The following NKAIN2 variants were observed in gnomAD, a reference collection of about 807,000 sequenced individuals.
NKAIN2 encodes sodium/potassium transporting ATPase interacting 2, also known as sodium/potassium-transporting ATPase subunit beta-1-interacting protein 2.
NKAIN2 carries 14 observed loss-of-function variants against 32.6 expected under a neutral mutation model. The observed-to-expected ratio is 0.43, with a 90% CI of 0.28 to 0.67. NKAIN2 has a LOEUF of 0.67. Among genes scored for constraint, NKAIN2 ranks in the 30% least tolerant of loss-of-function variants. NKAIN2 has a pLI of 0.17. For synonymous variants in NKAIN2, 80 were observed against 87.2 expected (o/e 0.92, Z 0.46); for missense variants, 198 against 258.3 (o/e 0.77, Z 1.60).
At chr6:124,803,384 T>A (rs1276389280) in intron 5 of NKAIN2, among the ~76,000 whole-genome samples, 1 of 152,188 alleles carries the variant, frequency 6.6e-6, no homozygotes, top group Non-Finnish European at 1.5e-5. Context: ...GACACTGAGC[T>A]CTCACTGTCT....
intron 1 of NKAIN2, among the ~76,000 whole-genome samples, chr6:124,255,893 G>A (rs537356383): frequency 3.3e-5 from 5 of 152,258 alleles, no homozygotes; most frequent in East Asian, 3.9e-4. Context: ...ATTCTGTGGC[G>A]CTGGTGTCTT....
chr6:124,106,047 C>T (rs1446317285), intron 1 of NKAIN2, among the ~76,000 whole-genome samples: 1 of 151,964 alleles, frequency 6.6e-6, no homozygotes, highest in Non-Finnish European at 1.5e-5. Flanking sequence ...ACTCAAGTAG[C>T]ATGTGATTAC....
chr6:124,020,578 T>TTAAAG (rs1488053079), intron 1 of NKAIN2, among the ~76,000 whole-genome samples: 3 of 152,238 alleles, frequency 2.0e-5, no homozygotes, highest in African/African-American at 7.2e-5. Flanking sequence ...AAACAAAGAT[T>TTAAAG]TAAAGTAGAC....
intron 2 of NKAIN2, among the ~76,000 whole-genome samples, chr6:124,309,630 A>T (rs1796639276): frequency 6.6e-6 from 1 of 152,138 alleles, no homozygotes; most frequent in East Asian, 1.9e-4. Flanking sequence ...TTCAACCAAG[A>T]ACCTTACATT....
At chr6:123,831,812 C>A (rs1442579547) in intron 1 of NKAIN2, among the ~76,000 whole-genome samples, 1 of 151,998 alleles carries the variant, frequency 6.6e-6, no homozygotes, top group Non-Finnish European at 1.5e-5. Context: ...CCTGCTACCA[C>A]GTCCTGCTAA....
At chr6:123,954,825 T>C (rs1363858886) in intron 1 of NKAIN2, among the ~76,000 whole-genome samples, 1 of 152,116 alleles carries the variant, frequency 6.6e-6, no homozygotes, top group African/African-American at 2.4e-5. Context: ...GTTTTGAGTC[T>C]TTTGGTACCT....
At chr6:124,360,255 A>G (rs796621497) in intron 3 of NKAIN2, among the ~76,000 whole-genome samples, 135 of 152,256 alleles carry the variant, frequency 8.9e-4, no homozygotes, top group African/African-American at 3.2e-3. Context: ...TGTCTCTGCC[A>G]GGCTTTGGTA....
chr6:124,312,726 A>G (rs1381397787), intron 2 of NKAIN2, among the ~76,000 whole-genome samples: 1 of 152,162 alleles, frequency 6.6e-6, no homozygotes, highest in Non-Finnish European at 1.5e-5. Flanking sequence ...ACAATTATGC[A>G]TAAATGTGAT....
chr6:124,773,859 G>T (rs1778867811), intron 4 of NKAIN2, among the ~76,000 whole-genome samples: 1 of 152,140 alleles, frequency 6.6e-6, no homozygotes, highest in Non-Finnish European at 1.5e-5. Flanking sequence ...ATTTGAAAGA[G>T]ATACTGAGAA....
At position 124,647,496 on chromosome 6, in the gene NKAIN2, CAAA is replaced by C. The variant is rs1157607122; in HGVS notation, c.274-10668_274-10666del. On this transcript the variant is annotated intron_variant, in intron 3 of 6. Coordinates refer to ENST00000368417, the MANE Select transcript of NKAIN2 (RefSeq NM_001040214.3). Reference sequence around the variant, plus strand: ...CCTGGGCGACAGAGCGAGACTCTGTCAAAAAAAAAAAAAAAAAAAAAAAAGACT... The same window carrying C: ...CCTGGGCGACAGAGCGAGACTCTGTCAAAAAAAAAAAAAAAAAAAAAGACT... Among the ~76,000 whole-genome samples the C allele has an allele frequency of 1.5e-4, 9 of 58,942 alleles. No individual in the cohort carries two copies. In the South Asian group the frequency reaches 2.8e-3, roughly 19 times the overall value. The allele number at this position is 58,942 out of a possible 152,430, so 38.7% of individuals were successfully genotyped here. A position where few individuals can be genotyped will look rare whatever the true frequency, so the allele number is the denominator to read the frequency against.
At chr6:124,441,980 C>T (rs576881481) in intron 3 of NKAIN2, among the ~76,000 whole-genome samples, 4 of 152,146 alleles carry the variant, frequency 2.6e-5, no homozygotes, top group South Asian at 2.1e-4. Context: ...TTTACATACA[C>T]ATAAGACTAG....
intron 1 of NKAIN2, among the ~76,000 whole-genome samples, chr6:123,968,176 G>A (rs1310107713): frequency 6.6e-6 from 1 of 152,158 alleles, no homozygotes; most frequent in Admixed American, 6.5e-5. Context: ...TAATCACTGT[G>A]AGGCAGGGGG....
At chr6:124,250,657 C>A (rs1321520694) in intron 1 of NKAIN2, among the ~76,000 whole-genome samples, 1 of 151,862 alleles carries the variant, frequency 6.6e-6, no homozygotes. Context: ...AGAGAATTAT[C>A]AATAACATAT....
At chr6:124,227,401 A>G (rs1792177266) in intron 1 of NKAIN2, among the ~76,000 whole-genome samples, 1 of 152,192 alleles carries the variant, frequency 6.6e-6, no homozygotes, top group South Asian at 2.1e-4. Flanking sequence ...TGAAGTTGGC[A>G]TTTACACTCA....
rs560105107 is a variant in NKAIN2 at position 123,868,046 on chromosome 6, T to A, written c.54+63792T>A. Among the ~76,000 whole-genome samples the A allele has an allele frequency of 4.6e-5, 7 of 152,132 alleles. No individual in the cohort carries two copies. The South Asian group carries it at 1.5e-3, about 32-fold the overall frequency. ...ACCACACCCGGCTAATTTTTTGTAT[T>A]TTTAGTAGAGACAGGGTTTCACTGT... On this transcript the variant is annotated intron_variant, in intron 1 of 6. Coordinates refer to ENST00000368417, the MANE Select transcript of NKAIN2 (RefSeq NM_001040214.3).
At chr6:124,378,132 G>A (rs1800070165) in intron 3 of NKAIN2, among the ~76,000 whole-genome samples, 1 of 152,138 alleles carries the variant, frequency 6.6e-6, no homozygotes, top group Non-Finnish European at 1.5e-5. Context: ...GGGCCCCTGT[G>A]AAGCAGGTTC....
At chr6:124,358,407 T>C (rs1799096718) in intron 3 of NKAIN2, among the ~76,000 whole-genome samples, 1 of 152,004 alleles carries the variant, frequency 6.6e-6, no homozygotes, top group African/African-American at 2.4e-5. Flanking sequence ...GTAAAAGTGT[T>C]CCTATATCTC....
chr6:123,815,492 T>C (rs1338530539), intron 1 of NKAIN2, among the ~76,000 whole-genome samples: 1 of 152,156 alleles, frequency 6.6e-6, no homozygotes, highest in Non-Finnish European at 1.5e-5. Flanking sequence ...ATTTTTCATA[T>C]CTCTAGAGCA....
At chr6:124,222,223 G>T (rs1273887690) in intron 1 of NKAIN2, among the ~76,000 whole-genome samples, 1 of 152,180 alleles carries the variant, frequency 6.6e-6, no homozygotes, top group Non-Finnish European at 1.5e-5. Flanking sequence ...AACATCAGTT[G>T]TGTCAGTCAA....
Sources: gnomAD v4.1 joint callset for allele counts (sites outside exome capture counted in the v4.1 genomes callset) on GRCh38, gnomAD v4.1.1 for gene constraint, MANE v1.5 for transcripts, NCBI Gene and HGNC (gene_info 2026-07-23, HGNC 2026-07-21) for gene names.